SGIP1: variants seen among roughly 807,000 people sequenced by gnomAD.
The protein encoded by SGIP1 is SH3-containing GRB2-like protein 3-interacting protein 1.
SGIP1 carries 38 observed loss-of-function variants against 107.5 expected under a neutral mutation model. That is an observed-to-expected ratio of 0.35 (90% CI 0.27 to 0.46). The LOEUF is 0.46. SGIP1 is among the 20% of genes least tolerant of loss of function. The pLI is 1.00. For missense variants in SGIP1, 929 were observed against 1,019.5 expected, an observed-to-expected ratio of 0.91 and a Z score of 1.21; for synonymous variants, 365 against 366.1, an observed-to-expected ratio of 1.00 and a Z score of 0.03.
chr1:66,608,909 G>A (rs553004559), intron 1 of SGIP1, among the ~76,000 whole-genome samples: 4 of 150,174 alleles, frequency 2.7e-5, no homozygotes, highest in Non-Finnish European at 5.9e-5. Context: ...TTTTACAAGT[G>A]TAGATTAGCA....
At chr1:66,683,724 T>TGA (rs2087444875) in intron 15 of SGIP1, among the ~76,000 whole-genome samples, 2 of 117,660 alleles carry the variant, frequency 1.7e-5, no homozygotes, top group African/African-American at 3.7e-5. Flanking sequence ...TTTTTTTTTT[T>TGA]TTTTGACAAG....
intron 4 of SGIP1, among the ~76,000 whole-genome samples, chr1:66,637,271 C>A (rs1194115721): frequency 6.6e-6 from 1 of 152,112 alleles, no homozygotes; most frequent in East Asian, 1.9e-4. Flanking sequence ...TACAGTTGCA[C>A]CTTTCTCAAT....
At chr1:66,641,274 C>T (rs2076744696) in intron 5 of SGIP1, among the ~76,000 whole-genome samples, 1 of 152,084 alleles carries the variant, frequency 6.6e-6, no homozygotes, top group Non-Finnish European at 1.5e-5. Flanking sequence ...AGTCATTTTG[C>T]TATGTATATG....
At position 66,667,522 on chromosome 1, in the gene SGIP1, G is replaced by T; in HGVS notation, c.472-8G>T. The T allele has an allele frequency of 1.2e-6, 2 of 1,613,498 alleles. No individual in the cohort carries two copies. The highest frequency in any genetic ancestry group is 3.3e-5 in the Admixed American group (2 of 60,008). The stretch of plus-strand genomic sequence containing the variant: ...TGTCTGTTCTCTCTTCCTTTTTGCT[G>T]ATCACAGAGGCGCAGCCCGGTAAGA... On this transcript the variant is annotated splice_polypyrimidine_tract_variant and splice_region_variant and intron_variant, in intron 8 of 24. Transcript: ENST00000371037.
At chr1:66,656,435 T>G (rs1447992814) in intron 7 of SGIP1, among the ~76,000 whole-genome samples, 1 of 152,190 alleles carries the variant, frequency 6.6e-6, no homozygotes, top group Non-Finnish European at 1.5e-5. Context: ...ATTTATATAA[T>G]CAAGTATTTG....
chr1:66,709,105 A>G (rs1169223904), intron 18 of SGIP1, among the ~76,000 whole-genome samples: 3 of 152,092 alleles, frequency 2.0e-5, no homozygotes, highest in Non-Finnish European at 4.4e-5. Flanking sequence ...ATAGGTATAC[A>G]TGTGCCATGG....
At chr1:66,692,160 CA>C (rs10677616) in intron 17 of SGIP1, among the ~76,000 whole-genome samples, 43 of 136,316 alleles carry the variant, frequency 3.2e-4, no homozygotes, top group Non-Finnish European at 2.3e-4. Flanking sequence ...GACTCCATCT[CA>C]AAAAAAAAAA....
chr1:66,644,325 C>A (rs973315946), intron 7 of SGIP1, among the ~76,000 whole-genome samples: 3 of 150,760 alleles, frequency 2.0e-5, no homozygotes, highest in Non-Finnish European at 4.4e-5. Context: ...TATTTTCCTA[C>A]AGACAAGCTA....
rs754491851 is a variant in SGIP1, at chr1:66,681,998, T to G, written c.944T>G (p.Phe315Cys). The change falls in exon 15 of 25, where the codon TTT (phenylalanine) becomes TGT (cysteine). Residue 315 changes from phenylalanine to cysteine, a missense_variant. Phe to Cys is a radical substitution (Grantham distance 205). Around this residue, in one of 2 missense-constraint regions of SGIP1, gnomAD observed 588 missense variants for 588.6 expected, o/e 1.00. Transcript: ENST00000371037. ...AVNAEEKWVH[F>C]SDTSPEHVTP... The stretch of plus-strand genomic sequence containing the variant: ...AATGCTGAAGAAAAGTGGGTCCATT[T>G]TTCTGATACATCCCCGGAACATGTT... The G allele has an allele frequency of 1.9e-6, 3 of 1,614,198 alleles. No individual in the cohort carries two copies. Among genetic ancestry groups the G allele is most frequent in the Non-Finnish European group, 1.7e-6 (2 of 1,180,028 alleles).
chr1:66,534,228 C>T lies in SGIP1; in HGVS notation c.-131C>T. 1.1e-6 allele frequency: 1 copy of T among 927,246 alleles called. No homozygotes were observed. Among genetic ancestry groups the T allele is most frequent in the African/African-American group, 1.6e-5 (1 of 61,758 alleles). 57.4% of individuals were successfully genotyped at this position (927,246 alleles called of 1,614,324 possible). On this transcript the variant is annotated 5_prime_UTR_variant, in exon 1 of 25. Coordinates refer to ENST00000371037, the MANE Select transcript of SGIP1 (RefSeq NM_032291.4). Reference sequence around the variant, plus strand: ...GCCTGTCTTTTGGCTTAACACTTATCTCCTTTGGCTTTGACAGCGGACGGA... The same window carrying T: ...GCCTGTCTTTTGGCTTAACACTTATTTCCTTTGGCTTTGACAGCGGACGGA...
At chr1:66,612,082 T>A (rs2068148217) in intron 1 of SGIP1, among the ~76,000 whole-genome samples, 1 of 152,186 alleles carries the variant, frequency 6.6e-6, no homozygotes, top group Non-Finnish European at 1.5e-5. Flanking sequence ...CGGCACCAGC[T>A]TCCAGTGAGG....
At chr1:66,626,009 G>A (rs2072590982) in intron 2 of SGIP1, 99 bp downstream of exon 2, 4 of 805,440 alleles carry the variant, frequency 5.0e-6, no homozygotes, top group Non-Finnish European at 7.8e-6. Flanking sequence ...CTCGGATATT[G>A]TGTACTATTT....
rs760564678 is a variant in SGIP1, at chr1:66,682,106, C to G, written c.1052C>G (p.Pro351Arg). The change falls in exon 15 of 25, where the codon CCT (proline) becomes CGT (arginine). Residue 351 changes from proline to arginine, a missense_variant. Around this residue, in one of 2 missense-constraint regions of SGIP1, gnomAD observed 588 missense variants for 588.6 expected, o/e 1.00. Coordinates refer to ENST00000371037, the MANE Select transcript of SGIP1 (RefSeq NM_032291.4). ...CCAGCTGACTCCCCAGCTCCAGGCC[C>G]TCTCGGCCCCCCAGGTCCCACAGGC... ...DNPADSPAPG[P>R]LGPPGPTGPP... The G allele has an allele frequency of 6.2e-7, 1 of 1,614,182 alleles. No individual in the cohort carries two copies. The highest frequency in any genetic ancestry group is 1.1e-5 in the South Asian group (1 of 91,088).
chr1:66,637,586 C>T (rs931348010), intron 4 of SGIP1, among the ~76,000 whole-genome samples: 2 of 151,368 alleles, frequency 1.3e-5, no homozygotes, highest in African/African-American at 4.8e-5. Context: ...AAAATTTCTA[C>T]AAGTTTTGTT....
At chr1:66,683,865 A>C (rs2087506267) in intron 15 of SGIP1, among the ~76,000 whole-genome samples, 1 of 151,326 alleles carries the variant, frequency 6.6e-6, no homozygotes, top group South Asian at 2.1e-4. Flanking sequence ...CACCAGACCC[A>C]GCTACTTTTT....
chr1:66,611,825 C>T (rs770245372), intron 1 of SGIP1, among the ~76,000 whole-genome samples: 5 of 152,166 alleles, frequency 3.3e-5, no homozygotes, highest in African/African-American at 4.8e-5. Context: ...GGAGAGGGAA[C>T]GCTGGCAAAA....
chr1:66,654,232 T>C (rs2079281526), intron 7 of SGIP1, among the ~76,000 whole-genome samples: 1 of 152,230 alleles, frequency 6.6e-6, no homozygotes, highest in Non-Finnish European at 1.5e-5. Context: ...TCTTTTCCTC[T>C]TCAACTTAAC....
At chr1:66,701,619 C>T (rs1422375389) in intron 18 of SGIP1, among the ~76,000 whole-genome samples, 6 of 152,312 alleles carry the variant, frequency 3.9e-5, no homozygotes, top group Non-Finnish European at 7.3e-5. Context: ...GCAAAATCTT[C>T]TATCAGGCAG....
chr1:66,735,201 T>C (rs2094180403), intron 21 of SGIP1, among the ~76,000 whole-genome samples: 1 of 151,664 alleles, frequency 6.6e-6, no homozygotes, highest in South Asian at 2.1e-4. Context: ...TATGTTATTT[T>C]ATTTTATTTT....
Sources: allele counts gnomAD v4.1 joint callset (sites outside exome capture counted in the v4.1 genomes callset), GRCh38; gene constraint gnomAD v4.1.1; regional missense constraint gnomAD v4.1.1; transcripts MANE v1.5; gene names NCBI Gene and HGNC (gene_info 2026-07-23, HGNC 2026-07-21).